Variants in NUDT3 observed in about 807,000 individuals in gnomAD.
The protein encoded by NUDT3 is diphosphoinositol polyphosphate phosphohydrolase 1.
NUDT3 carries 9 observed loss-of-function variants against 23.6 expected under a neutral mutation model. The observed-to-expected ratio is 0.38, with a 90% CI of 0.23 to 0.66. NUDT3 has a LOEUF of 0.66. NUDT3 is among the 30% of genes least tolerant of loss of function. The probability of loss-of-function intolerance (pLI) is 0.52; values close to 1 mark genes in which losing one functional copy is unlikely to be tolerated. For missense variants in NUDT3, 172 were observed against 218.5 expected, an observed-to-expected ratio of 0.79 and a Z score of 1.34; for synonymous variants, 86 against 82.6, an observed-to-expected ratio of 1.04 and a Z score of -0.22.
At chr6:34,391,788 C>T (rs1478845777) in intron 1 of NUDT3, among the ~76,000 whole-genome samples, 1 of 137,854 alleles carries the variant, frequency 7.3e-6, no homozygotes, top group Non-Finnish European at 1.6e-5. Context: ...GACATATAAT[C>T]CCTCGGCAAA....
Position 34,392,599 on chromosome 6 carries a change from C to T in NUDT3, c.-237G>A. 1 of 303,548 alleles carries T rather than the reference C, an allele frequency of 3.3e-6. No homozygotes were observed. The allele number at this position is 303,548 out of a possible 1,614,324, so 18.8% of individuals were successfully genotyped here. ...GCCGTCTCCGCTGCCGCCAGGGCCG[C>T]CGCCCCCTCTGCCGCCGCCACCCCC... On this transcript the variant is annotated 5_prime_UTR_variant, in exon 1 of 5. Transcript: ENST00000607016.
At chr6:34,390,379 CAG>C (rs759978460) in intron 1 of NUDT3, among the ~76,000 whole-genome samples, 1 of 151,612 alleles carries the variant, frequency 6.6e-6, no homozygotes, top group African/African-American at 2.4e-5. Context: ...GTAGCCTAAA[CAG>C]ACAAGTAAGC....
chr6:34,347,019 T>C (rs1463865795), intron 1 of NUDT3, among the ~76,000 whole-genome samples: 2 of 152,232 alleles, frequency 1.3e-5, no homozygotes, highest in South Asian at 4.1e-4. Context: ...TCCTCCTGCC[T>C]TGGCCTCCCA....
chr6:34,367,497 G>GA (rs202236928), intron 1 of NUDT3, among the ~76,000 whole-genome samples: 7 of 144,732 alleles, frequency 4.8e-5, no homozygotes, highest in East Asian at 2.0e-4. Flanking sequence ...AAAAAAAAAA[G>GA]AAAAAAAAAT....
At chr6:34,339,995 A>G (rs1764264783) in intron 2 of NUDT3, among the ~76,000 whole-genome samples, 1 of 152,228 alleles carries the variant, frequency 6.6e-6, no homozygotes. Flanking sequence ...AAGTTTAAGC[A>G]TAAGCATACA....
chr6:34,360,732 C>A (rs990271607), intron 1 of NUDT3, among the ~76,000 whole-genome samples: 14 of 151,766 alleles, frequency 9.2e-5, no homozygotes, highest in African/African-American at 3.1e-4. Flanking sequence ...TTTTTTTCCC[C>A]TGGAAAATAA....
chr6:34,351,198 T>TTAA (rs1764462307), intron 1 of NUDT3, among the ~76,000 whole-genome samples: 1 of 17,894 alleles, frequency 5.6e-5, no homozygotes. Context: ...CTCCCCTGCC[T>TTAA]AAAAAAAAAA....
At chr6:34,387,025 G>A (rs955497352) in intron 1 of NUDT3, among the ~76,000 whole-genome samples, 7 of 152,052 alleles carry the variant, frequency 4.6e-5, no homozygotes, top group African/African-American at 1.4e-4. Flanking sequence ...TGGGAGGATC[G>A]CTTAAGCCCA....
chr6:34,349,443 AG>A lies in NUDT3; in HGVS notation c.100-7472del, dbSNP rs771434622. ...AGGCGTCAGTGGAGGAGGGAACCACAGGGAGGAGTTGTGAAATCATCCTCTG... is the reference window on the plus strand; with the variant it reads ...AGGCGTCAGTGGAGGAGGGAACCACAGGAGGAGTTGTGAAATCATCCTCTG... On this transcript the variant is annotated intron_variant, in intron 1 of 4. Transcript: ENST00000607016. Among the ~76,000 whole-genome samples the A allele has an allele frequency of 2.2e-4, 33 of 150,738 alleles. 2 individuals are homozygous for A. Among genetic ancestry groups the A allele is most frequent in the Middle Eastern group, 3.4e-3 (1 of 294 alleles).
chr6:34,364,440 G>C (rs1764695587), intron 1 of NUDT3, among the ~76,000 whole-genome samples: 1 of 152,024 alleles, frequency 6.6e-6, no homozygotes, highest in Non-Finnish European at 1.5e-5. Flanking sequence ...TTAATAAGTT[G>C]ATTTTAAAAA....
intron 2 of NUDT3, among the ~76,000 whole-genome samples, chr6:34,330,037 T>A (rs1473160969): frequency 2.0e-5 from 3 of 152,216 alleles, no homozygotes; most frequent in African/African-American, 7.2e-5. Context: ...ATTTTCTTAA[T>A]CCAGTCTATC....
At chr6:34,300,052 T>A (rs1264192453) in intron 2 of NUDT3, among the ~76,000 whole-genome samples, 1 of 152,020 alleles carries the variant, frequency 6.6e-6, no homozygotes, top group Non-Finnish European at 1.5e-5. Flanking sequence ...CCGGCCCTGC[T>A]TTTTTAAGAG....
At chr6:34,387,304 G>C (rs1283410055) in intron 1 of NUDT3, among the ~76,000 whole-genome samples, 5 of 152,214 alleles carry the variant, frequency 3.3e-5, no homozygotes, top group Middle Eastern at 3.4e-3. Flanking sequence ...GGAGATGATA[G>C]CTCCACGCCT....
chr6:34,366,372 T>C (rs1024620978), intron 1 of NUDT3, among the ~76,000 whole-genome samples: 2 of 147,640 alleles, frequency 1.4e-5, no homozygotes, highest in African/African-American at 5.0e-5. Context: ...CAAGACCTTG[T>C]CGAAAAAAGA....
chr6:34,294,774 C>T (rs576005916), intron 3 of NUDT3, among the ~76,000 whole-genome samples: 105 of 151,802 alleles, frequency 6.9e-4, no homozygotes, highest in African/African-American at 2.5e-3. Flanking sequence ...CATCAGAGAC[C>T]TTTCTTCTGA....
chr6:34,391,461 T>C (rs1765197628), intron 1 of NUDT3, among the ~76,000 whole-genome samples: 1 of 152,206 alleles, frequency 6.6e-6, no homozygotes, highest in Admixed American at 6.5e-5. Context: ...GAGATTTTTT[T>C]TTAAAGTACC....
At chr6:34,370,129 C>T (rs1426972228) in intron 1 of NUDT3, among the ~76,000 whole-genome samples, 3 of 152,166 alleles carry the variant, frequency 2.0e-5, no homozygotes, top group African/African-American at 7.2e-5. Flanking sequence ...ATCCATAGAA[C>T]ATTTATGACC....
intron 2 of NUDT3, among the ~76,000 whole-genome samples, chr6:34,308,119 C>CAAAAAAA (rs533055608): frequency 6.7e-5 from 4 of 60,136 alleles, no homozygotes; most frequent in South Asian, 4.6e-4. Flanking sequence ...AACTCTGTCT[C>CAAAAAAA]AAAAAAAAAA....
chr6:34,333,510 A>T (rs1264196060), intron 2 of NUDT3, among the ~76,000 whole-genome samples: 1 of 152,252 alleles, frequency 6.6e-6, no homozygotes, highest in Non-Finnish European at 1.5e-5. Flanking sequence ...AAGGAGCCAT[A>T]GCATTAGGAG....
Sources: allele counts gnomAD v4.1 joint callset (sites outside exome capture counted in the v4.1 genomes callset), GRCh38; gene constraint gnomAD v4.1.1; transcripts MANE v1.5; gene names NCBI Gene and HGNC (gene_info 2026-07-23, HGNC 2026-07-21).